ROS1: variants seen among roughly 807,000 people sequenced by gnomAD.
The protein encoded by ROS1 is ROS proto-oncogene 1, receptor tyrosine kinase, also known as proto-oncogene tyrosine-protein kinase ROS.
ROS1 carries 263 observed loss-of-function variants against 273.5 expected under a neutral mutation model. The observed-to-expected ratio is 0.96, with a 90% CI of 0.87 to 1.06. The LOEUF is 1.06. Ranked by LOEUF, ROS1 falls within the 50% of genes least tolerant of loss-of-function variation. ROS1 has a pLI of 0.00. For synonymous variants in ROS1, 1,008 were observed against 954.1 expected (o/e 1.06, Z -1.04); for missense variants, 2,833 against 2,751.1 (o/e 1.03, Z -0.67).
chr6:117,366,429 G>C (rs562770914), intron 18 of ROS1, 139 bp from the exon 19 acceptor site: 2 of 626,532 alleles, frequency 3.2e-6, no homozygotes, highest in Non-Finnish European at 5.5e-6. Flanking sequence ...ACTTTCTAAC[G>C]ATTATTGTCT....
intron 14 of ROS1, 125 bp from the exon 15 acceptor site, chr6:117,387,124 CTT>C (rs1772648134): frequency 2.0e-6 from 1 of 507,328 alleles, no homozygotes; most frequent in Non-Finnish European, 3.5e-6. Flanking sequence ...AATGTCAACA[CTT>C]TGAAAAGTTC....
At chr6:117,356,589 C>T (rs1293984888) in intron 26 of ROS1, 40 bp downstream of exon 26, 2 of 1,568,032 alleles carry the variant, frequency 1.3e-6, no homozygotes, top group East Asian at 4.5e-5. Flanking sequence ...AGGGGCTGCT[C>T]TTATTAACAA....
intron 5 of ROS1, among the ~76,000 whole-genome samples, chr6:117,408,999 G>C (rs1774663919): frequency 6.9e-6 from 1 of 145,576 alleles, no homozygotes; most frequent in Non-Finnish European, 1.5e-5. Context: ...TCACTCATAG[G>C]TGGTAATTGA....
chr6:117,364,853 G>A (rs1054623635), intron 21 of ROS1, among the ~76,000 whole-genome samples: 1 of 152,132 alleles, frequency 6.6e-6, no homozygotes, highest in Non-Finnish European at 1.5e-5. Flanking sequence ...TGGCTGTTAA[G>A]AAATCTTTGA....
chr6:117,368,829 T>C (rs1780487617), intron 18 of ROS1, among the ~76,000 whole-genome samples: 1 of 152,094 alleles, frequency 6.6e-6, no homozygotes, highest in Admixed American at 6.5e-5. Flanking sequence ...ATGCTATAAA[T>C]GTAAAATACA....
intron 1 of ROS1, among the ~76,000 whole-genome samples, chr6:117,423,954 T>A (rs963919574): frequency 1.3e-5 from 2 of 152,206 alleles, no homozygotes; most frequent in Non-Finnish European, 2.9e-5. Context: ...TCTCTCTTGC[T>A]GTTGCCACAC....
In ROS1 at chr6:117,316,652, G is replaced by A. The variant is rs919701837; in HGVS notation, c.6117+491C>T. On this transcript the variant is annotated intron_variant, in intron 39 of 43. Transcript: ENST00000368507. The stretch of plus-strand genomic sequence containing the variant: ...TGGATGTAGGGAAAGAGAAAGCAAG[G>A]AAGTAGATGGGTGGAGTAGGAGAGG... 3.3e-5 allele frequency among the ~76,000 whole-genome samples: 5 copies of A among 151,220 alleles called. 1 individual carries two copies. The highest frequency in any genetic ancestry group is 6.6e-5 in the Admixed American group (1 of 15,116).
intron 1 of ROS1, among the ~76,000 whole-genome samples, chr6:117,420,553 A>G (rs1386844637): frequency 4.0e-5 from 6 of 151,234 alleles, no homozygotes. Flanking sequence ...AACATTGTGC[A>G]CATGTACCCT....
At chr6:117,366,313 A>AGT (rs1393815095) in intron 18 of ROS1, 23 bp from the exon 19 acceptor site, 2 of 1,580,506 alleles carry the variant, frequency 1.3e-6, no homozygotes, top group East Asian at 4.5e-5. Flanking sequence ...AACACCAATT[A>AGT]GTGTGTGTTT....
intron 39 of ROS1, among the ~76,000 whole-genome samples, chr6:117,316,073 G>C (rs760414587): frequency 6.6e-6 from 1 of 152,084 alleles, no homozygotes; most frequent in Non-Finnish European, 1.5e-5. Context: ...AACCTGGAAG[G>C]ATGGTTTATC....
At chr6:117,369,580 A>AG (rs1189270090) in intron 18 of ROS1, among the ~76,000 whole-genome samples, 1 of 152,162 alleles carries the variant, frequency 6.6e-6, no homozygotes, top group African/African-American at 2.4e-5. Flanking sequence ...TCAAAAAAAA[A>AG]AAGAAACCAG....
At chr6:117,317,405 G>A (rs1775996945) in intron 38 of ROS1, 133 bp from the exon 39 acceptor site, 4 of 984,158 alleles carry the variant, frequency 4.1e-6, no homozygotes, top group Non-Finnish European at 5.8e-6. Flanking sequence ...CTAACACTTC[G>A]TTTTCCAACT....
chr6:117,365,606 C>T lies in ROS1; in HGVS notation c.2933G>A (p.Ser978Asn), dbSNP rs2128660359. 1 of 1,613,516 alleles carries T rather than the reference C, an allele frequency of 6.2e-7. No homozygotes were observed. Among genetic ancestry groups the T allele is most frequent in the Non-Finnish European group, 8.5e-7 (1 of 1,179,496 alleles). Residue 978 changes from serine (S) to asparagine (N), a missense_variant, in exon 20 of 44, where the codon AGT becomes AAT. Coordinates refer to ENST00000368507, the MANE Select transcript of ROS1 (RefSeq NM_001378902.1). ...PAVDWGVVFY[S>N]VEFSAHSKFL... is the part of the protein sequence containing the mutation. The stretch of plus-strand genomic sequence containing the variant: ...CTTAGAATGAGCACTAAATTCTACA[C>T]TGTAGAAAACTACACCCCAGTCTAC...
At chr6:117,364,985 T>A (rs1780089510) in intron 21 of ROS1, 75 bp downstream of exon 21, 3 of 1,391,534 alleles carry the variant, frequency 2.2e-6, no homozygotes, top group Non-Finnish European at 3.0e-6. Flanking sequence ...TTTTTAAATA[T>A]CAACTATCCA....
chr6:117,420,623 T>C (rs1176229945), intron 1 of ROS1, among the ~76,000 whole-genome samples: 1 of 150,048 alleles, frequency 6.7e-6, no homozygotes, highest in Non-Finnish European at 1.5e-5. Context: ...TAATAATAAA[T>C]GGAACAGAGC....
intron 1 of ROS1, among the ~76,000 whole-genome samples, chr6:117,420,639 G>T (rs1775683345): frequency 1.3e-5 from 2 of 151,000 alleles, no homozygotes; most frequent in African/African-American, 2.4e-5. Context: ...AGAGCAGAAT[G>T]ATCTGTATTT....
chr6:117,361,537 A>G (rs915194500), intron 22 of ROS1, among the ~76,000 whole-genome samples: 1 of 148,386 alleles, frequency 6.7e-6, no homozygotes, highest in Non-Finnish European at 1.5e-5. Flanking sequence ...TTGAAACTAT[A>G]TATCTATATA....
intron 5 of ROS1, among the ~76,000 whole-genome samples, chr6:117,406,688 T>C (rs919072567): frequency 2.0e-5 from 3 of 152,232 alleles, no homozygotes; most frequent in African/African-American, 7.2e-5. Flanking sequence ...ACCAAAAGAA[T>C]TCTCTAACAG....
intron 38 of ROS1, 21 bp downstream of exon 38, chr6:117,318,167 A>G (rs1251762842): frequency 1.2e-6 from 2 of 1,600,270 alleles, no homozygotes; most frequent in Non-Finnish European, 1.7e-6. Context: ...CCATACCAGG[A>G]GAAAATTATT....
Sources: gnomAD v4.1 joint callset for allele counts (sites outside exome capture counted in the v4.1 genomes callset) on GRCh38, gnomAD v4.1.1 for gene constraint, MANE v1.5 for transcripts, NCBI Gene and HGNC (gene_info 2026-07-23, HGNC 2026-07-21) for gene names.